PTN: variants seen among roughly 807,000 people sequenced by gnomAD.
The protein encoded by PTN is heparin affin regulatory protein.
In PTN, 18 loss-of-function variants were observed where a neutral mutation model predicts 24.1. The observed-to-expected ratio is 0.75, with a 90% confidence interval of 0.52 to 1.11. The LOEUF (loss-of-function observed/expected upper bound fraction) is 1.11. PTN is among the 50% of genes least tolerant of loss of function. The probability of loss-of-function intolerance (pLI) is 0.00; values close to 1 mark genes in which losing one functional copy is unlikely to be tolerated. For synonymous variants in PTN, 78 were observed against 68.6 expected, an observed-to-expected ratio of 1.14 and a Z score of -0.67; for missense variants, 163 against 198.8, an observed-to-expected ratio of 0.82 and a Z score of 1.08.
At chr7:137,277,187 G>A (rs1020354481) in intron 1 of PTN, among the ~76,000 whole-genome samples, 6 of 152,112 alleles carry the variant, frequency 3.9e-5, no homozygotes, top group East Asian at 1.9e-4. Flanking sequence ...GTGAAAAGAC[G>A]CCCAGTGCTA....
chr7:137,255,832 C>T (rs322322), intron 1 of PTN, among the ~76,000 whole-genome samples: 13,797 of 152,242 alleles, frequency 0.091, 681 homozygotes, highest in Non-Finnish European at 0.11. Context: ...AGCTCCAGGA[C>T]GACCCACTTC....
At chr7:137,305,758 A>C (rs1476371908) in intron 1 of PTN, among the ~76,000 whole-genome samples, 1 of 152,112 alleles carries the variant, frequency 6.6e-6, no homozygotes, top group Admixed American at 6.6e-5. Flanking sequence ...AAATGAGCTC[A>C]AATCAAGTGG....
intron 1 of PTN, among the ~76,000 whole-genome samples, chr7:137,294,338 C>T (rs1165575385): frequency 3.9e-5 from 6 of 152,114 alleles, no homozygotes; most frequent in Admixed American, 3.9e-4. Context: ...TCCAGGTGAA[C>T]ACAAGCCCAC....
rs891588 is a variant in PTN, at chr7:137,238,590, G to A, written c.452-10515C>T. On this transcript the variant is annotated intron_variant, in intron 4 of 4. Transcript: ENST00000348225. ...TCTTTTAGAATACCTAAAGAGATCC[G>A]GCAGTGATCACTTGGTTTGGGAAGC... 7.1e-3 allele frequency among the ~76,000 whole-genome samples: 1,084 copies of A among 152,162 alleles called. 31 individuals are homozygous for A. The highest frequency in any genetic ancestry group is 0.052 in the East Asian group (268 of 5,158).
In PTN at chr7:137,246,458, CAT is replaced by C. The variant is rs1277958133; in HGVS notation, c.451+4770_451+4771del. ...AACATATCCCTGTTGTTAAGTGACACATGACTGTAATTAAACTCATATTTTGA... is the reference window on the plus strand; with the variant it reads ...AACATATCCCTGTTGTTAAGTGACACGACTGTAATTAAACTCATATTTTGA... On this transcript the variant is annotated intron_variant, in intron 4 of 4. Transcript: ENST00000348225. Among the ~76,000 whole-genome samples the C allele has an allele frequency of 7.9e-5, 12 of 152,300 alleles. No homozygotes were observed. In the East Asian group the frequency reaches 2.1e-3, roughly 27 times the overall value.
At chr7:137,230,521 G>T (rs1055800079) in intron 4 of PTN, among the ~76,000 whole-genome samples, 4 of 151,578 alleles carry the variant, frequency 2.6e-5, no homozygotes, top group African/African-American at 4.8e-5. Context: ...GTGGAAGGAG[G>T]GAAGAATTCA....
chr7:137,231,369 A>G (rs186074071), intron 4 of PTN, among the ~76,000 whole-genome samples: 2 of 151,742 alleles, frequency 1.3e-5, no homozygotes, highest in Admixed American at 1.3e-4. Flanking sequence ...CCCAATTTGC[A>G]CAGTCAGCAC....
chr7:137,302,149 G>A (rs1399618847), intron 1 of PTN, among the ~76,000 whole-genome samples: 1 of 151,976 alleles, frequency 6.6e-6, no homozygotes, highest in African/African-American at 2.4e-5. Context: ...AAAAGATGTT[G>A]TGCATATTAT....
chr7:137,273,975 C>T (rs114665111), intron 1 of PTN, among the ~76,000 whole-genome samples: 52 of 152,110 alleles, frequency 3.4e-4, no homozygotes, highest in African/African-American at 1.2e-3. Flanking sequence ...TTGTTTATTA[C>T]AAAAGTACTA....
intron 1 of PTN, among the ~76,000 whole-genome samples, chr7:137,303,700 G>A (rs527620798): frequency 6.6e-6 from 1 of 151,962 alleles, no homozygotes; most frequent in Non-Finnish European, 1.5e-5. Flanking sequence ...TATATTTAGG[G>A]TGTTAAACAG....
At chr7:137,299,677 T>C (rs188473315) in intron 1 of PTN, among the ~76,000 whole-genome samples, 13 of 151,934 alleles carry the variant, frequency 8.6e-5, no homozygotes, top group Admixed American at 7.9e-4. Context: ...GCTTTAACTT[T>C]CAAGAGAGAC....
chr7:137,260,389 G>C (rs1013841348), intron 1 of PTN, among the ~76,000 whole-genome samples: 4 of 152,056 alleles, frequency 2.6e-5, no homozygotes, highest in African/African-American at 9.7e-5. Flanking sequence ...ATGTGAGAAG[G>C]CTTTACATGT....
At chr7:137,251,511 C>A in intron 3 of PTN, 120 bp from the exon 4 acceptor site, 1 of 1,136,210 alleles carries the variant, frequency 8.8e-7, no homozygotes, top group Non-Finnish European at 1.3e-6. Context: ...CCATATGCAG[C>A]TATAAGAAAT....
chr7:137,294,101 A>G (rs1809682414), intron 1 of PTN, among the ~76,000 whole-genome samples: 1 of 152,168 alleles, frequency 6.6e-6, no homozygotes, highest in Non-Finnish European at 1.5e-5. Context: ...AATAATACTC[A>G]TTTAGGCAAA....
chr7:137,307,800 T>C (rs976713181), intron 1 of PTN, among the ~76,000 whole-genome samples: 1 of 152,092 alleles, frequency 6.6e-6, no homozygotes, highest in Non-Finnish European at 1.5e-5. Flanking sequence ...ACGAAGTAAT[T>C]TGCCCAAAGT....
intron 1 of PTN, among the ~76,000 whole-genome samples, chr7:137,263,738 G>A (rs980399857): frequency 3.3e-5 from 5 of 152,080 alleles, no homozygotes; most frequent in Non-Finnish European, 7.4e-5. Context: ...CTCTTTTTAT[G>A]GGTAGTAGGA....
At chr7:137,258,102 G>T (rs1242723995) in intron 1 of PTN, among the ~76,000 whole-genome samples, 3 of 152,094 alleles carry the variant, frequency 2.0e-5, no homozygotes, top group Non-Finnish European at 4.4e-5. Flanking sequence ...TTTTCAAAAA[G>T]ATTTCCTTAA....
At chr7:137,335,849 T>A (rs972609980) in intron 1 of PTN, among the ~76,000 whole-genome samples, 2 of 152,034 alleles carry the variant, frequency 1.3e-5, no homozygotes, top group African/African-American at 4.8e-5. Flanking sequence ...TTAAGACACT[T>A]CAGAAGGAAA....
intron 1 of PTN, among the ~76,000 whole-genome samples, chr7:137,270,511 T>C (rs1809255787): frequency 6.6e-6 from 1 of 152,236 alleles, no homozygotes; most frequent in African/African-American, 2.4e-5. Flanking sequence ...TATTCAATGA[T>C]CTGTTTTAAG....
Sources: gnomAD v4.1 joint callset for allele counts (sites outside exome capture counted in the v4.1 genomes callset) on GRCh38, gnomAD v4.1.1 for gene constraint, MANE v1.5 for transcripts, NCBI Gene and HGNC (gene_info 2026-07-23, HGNC 2026-07-21) for gene names.